Variants in EYS observed in about 807,000 individuals in gnomAD.
EYS encodes the protein protein eyes shut homolog.
A neutral mutation model predicts 282.1 loss-of-function variants in EYS; 250 were observed. The ratio of observed to expected loss-of-function variants is 0.89; its 90% CI spans 0.80 to 0.98. The LOEUF is 0.98. Ranked by LOEUF, EYS falls within the 50% of genes least tolerant of loss-of-function variation. The pLI is 0.00. For synonymous variants in EYS, 1,355 were observed against 1,282.9 expected, an observed-to-expected ratio of 1.06 and a Z score of -1.20; for missense variants, 4,016 against 3,709.0, an observed-to-expected ratio of 1.08 and a Z score of -2.15.
chr6:63,982,346 A>G (rs6454559), intron 35 of EYS, among the ~76,000 whole-genome samples: 57,587 of 151,602 alleles, frequency 0.38, 11,260 homozygotes, highest in African/African-American at 0.47. Flanking sequence ...CTCACATTGC[A>G]GTAAAGGTAT....
chr6:65,235,732 T>G (rs1766905439), intron 12 of EYS, among the ~76,000 whole-genome samples: 1 of 152,198 alleles, frequency 6.6e-6, no homozygotes, highest in Admixed American at 6.5e-5. Flanking sequence ...CCTTGATTTT[T>G]GAATTATGTG....
intron 5 of EYS, among the ~76,000 whole-genome samples, chr6:65,443,572 A>C (rs1327943357): frequency 8.2e-6 from 1 of 121,520 alleles, no homozygotes; most frequent in Non-Finnish European, 1.6e-5. Flanking sequence ...ATACACACAT[A>C]TGTGTATATA....
intron 2 of EYS, among the ~76,000 whole-genome samples, chr6:65,621,382 C>T (rs1211006826): frequency 2.0e-5 from 3 of 151,048 alleles, no homozygotes. Context: ...CAACCCCTGC[C>T]TTTTTTTGTT....
chr6:64,475,086 C>T (rs529937588), intron 26 of EYS, among the ~76,000 whole-genome samples: 7 of 152,260 alleles, frequency 4.6e-5, no homozygotes, highest in South Asian at 2.1e-4. Flanking sequence ...CAGCAGAATA[C>T]TATCAAGTTT....
At chr6:65,674,981 G>A (rs1582589828) in intron 1 of EYS, among the ~76,000 whole-genome samples, 2 of 152,044 alleles carry the variant, frequency 1.3e-5, no homozygotes, top group Non-Finnish European at 2.9e-5. Flanking sequence ...ATGTGTGGAG[G>A]AGGAAGTAAA....
chr6:64,548,271 G>A (rs750551001), intron 26 of EYS, among the ~76,000 whole-genome samples: 17 of 152,310 alleles, frequency 1.1e-4, no homozygotes, highest in Admixed American at 2.0e-4. Flanking sequence ...TCAGTGTGGC[G>A]ATTCCTCAGG....
Position 65,476,609 on chromosome 6 carries a change from G to A in EYS, c.862+13985C>T, listed in dbSNP as rs139164471. 4.7e-3 allele frequency among the ~76,000 whole-genome samples: 707 copies of A among 150,858 alleles called. 5 individuals are homozygous for A. The highest frequency in any genetic ancestry group is 8.6e-3 in the Non-Finnish European group (585 of 67,854). ...TTTTTTTTTTTTGAGACAAAGTCTC[G>A]CTCTGTCACCAGGCTGAAGTGCAGT... is the stretch of plus-strand genomic sequence containing the variant. On this transcript the variant is annotated intron_variant, in intron 5 of 42. Transcript: ENST00000503581.
intron 29 of EYS, among the ~76,000 whole-genome samples, chr6:64,315,549 C>T (rs1379259615): frequency 6.6e-6 from 1 of 151,388 alleles, no homozygotes; most frequent in Non-Finnish European, 1.5e-5. Flanking sequence ...TCCAGCCACA[C>T]ATCAAAAAGC....
chr6:65,142,049 C>G (rs962304685), intron 12 of EYS, among the ~76,000 whole-genome samples: 3 of 151,970 alleles, frequency 2.0e-5, no homozygotes, highest in African/African-American at 7.2e-5. Flanking sequence ...AACTACAGTC[C>G]TCATGTTGTA....
intron 26 of EYS, among the ~76,000 whole-genome samples, chr6:64,485,223 G>C (rs1776546560): frequency 6.6e-6 from 1 of 151,556 alleles, no homozygotes; most frequent in Admixed American, 6.6e-5. Flanking sequence ...GGAAGGAAGA[G>C]AAGAACAGGG....
At position 64,593,172 on chromosome 6, in the gene EYS, T is replaced by G. The variant is rs924477825; in HGVS notation, c.3822A>C (p.Pro1274=). ...CTGGTATTCTAGTAGCCTTTATAGA[T>G]GGAAAGCTGCTGACCAAAGTCTCAG... The part of the protein sequence containing the change: ...PPSETLVSSF[P]SIKATRIPAI... Residue 1274 remains proline (P), a synonymous_variant, in exon 25 of 43, where the codon CCA becomes CCC. Coordinates refer to ENST00000503581, the MANE Select transcript of EYS (RefSeq NM_001142800.2). 5.2e-6 allele frequency: 8 copies of G among 1,549,386 alleles called. No homozygotes were observed. Among genetic ancestry groups the G allele is most frequent in the African/African-American group, 1.4e-5 (1 of 72,994 alleles).
At chr6:64,745,401 A>G (rs1406337654) in intron 22 of EYS, among the ~76,000 whole-genome samples, 1 of 152,162 alleles carries the variant, frequency 6.6e-6, no homozygotes, top group African/African-American at 2.4e-5. Context: ...ATATTTAACT[A>G]TTTTATTAAA....
intron 19 of EYS, among the ~76,000 whole-genome samples, chr6:64,824,503 A>T (rs145069871): frequency 1.1e-3 from 162 of 152,064 alleles, no homozygotes; most frequent in Middle Eastern, 0.01. Context: ...TATCACAAAC[A>T]CATTATATTT....
chr6:65,356,095 AC>A (rs1764472892), intron 8 of EYS, among the ~76,000 whole-genome samples: 2 of 152,104 alleles, frequency 1.3e-5, no homozygotes, highest in Admixed American at 1.3e-4. Flanking sequence ...CCAATTGATG[AC>A]TAGATAAAGA....
chr6:63,873,051 G>A (rs368166855), intron 35 of EYS, among the ~76,000 whole-genome samples: 113 of 152,066 alleles, frequency 7.4e-4, no homozygotes, highest in East Asian at 6.0e-3. Context: ...ATGTGCACAC[G>A]TGAAGGTTTG....
intron 30 of EYS, among the ~76,000 whole-genome samples, chr6:64,241,895 C>T (rs1766846124): frequency 6.6e-6 from 1 of 152,080 alleles, no homozygotes; most frequent in African/African-American, 2.4e-5. Context: ...TACATTTTGT[C>T]TTAGGACATC....
chr6:64,762,421 C>T (rs1033650167), intron 22 of EYS, among the ~76,000 whole-genome samples: 6 of 152,114 alleles, frequency 3.9e-5, no homozygotes, highest in African/African-American at 1.4e-4. Context: ...TCCCTGAAAA[C>T]CCAACTTGGA....
intron 5 of EYS, among the ~76,000 whole-genome samples, chr6:65,408,172 T>C (rs1177028318): frequency 2.0e-5 from 3 of 152,174 alleles, no homozygotes; most frequent in Non-Finnish European, 2.9e-5. Flanking sequence ...AATATGTTTA[T>C]ATGTGATTGG....
chr6:65,109,274 A>G (rs527487876), intron 12 of EYS, among the ~76,000 whole-genome samples: 40 of 151,958 alleles, frequency 2.6e-4, no homozygotes, highest in African/African-American at 8.4e-4. Context: ...AACCTATGCT[A>G]TGTGTTCTTG....
Sources: allele counts gnomAD v4.1 joint callset (sites outside exome capture counted in the v4.1 genomes callset), GRCh38; gene constraint gnomAD v4.1.1; transcripts MANE v1.5; gene names NCBI Gene and HGNC (gene_info 2026-07-23, HGNC 2026-07-21).